The following PPP1R16B variants were observed in gnomAD, a reference collection of about 807,000 sequenced individuals.
PPP1R16B encodes protein phosphatase 1 regulatory subunit 16B, also known as protein phosphatase 1 regulatory inhibitor subunit 16B.
A neutral mutation model predicts 61.7 loss-of-function variants in PPP1R16B; 14 were observed. That is an observed-to-expected ratio of 0.23 (90% CI 0.15 to 0.35). The LOEUF is 0.35. Among genes scored for constraint, PPP1R16B ranks in the 10% least tolerant of loss-of-function variants. The probability of loss-of-function intolerance (pLI) is 1.00; values close to 1 mark genes in which losing one functional copy is unlikely to be tolerated. For missense variants in PPP1R16B, 547 were observed against 752.5 expected (o/e 0.73, Z 3.19); for synonymous variants, 266 against 305.3 (o/e 0.87, Z 1.34).
chr20:38,863,455 A>G (rs939179589), intron 2 of PPP1R16B, among the ~76,000 whole-genome samples: 2 of 152,220 alleles, frequency 1.3e-5, no homozygotes, highest in African/African-American at 4.8e-5. Flanking sequence ...AAAACTTTCC[A>G]CGTTTCCGTG....
At chr20:38,906,689 T>C (rs964942420) in intron 7 of PPP1R16B, among the ~76,000 whole-genome samples, 1 of 152,226 alleles carries the variant, frequency 6.6e-6, no homozygotes, top group African/African-American at 2.4e-5. Flanking sequence ...TACAAAACTC[T>C]GATTGTCACT....
At chr20:38,897,310 G>C (rs918408026) in intron 4 of PPP1R16B, among the ~76,000 whole-genome samples, 1 of 152,198 alleles carries the variant, frequency 6.6e-6, no homozygotes, top group African/African-American at 2.4e-5. Context: ...CTGGGCGACG[G>C]AGTGAGACAC....
chr20:38,889,804 GAAA>G, intron 3 of PPP1R16B, 139 bp downstream of exon 3: 1 of 886,614 alleles, frequency 1.1e-6, no homozygotes, highest in Non-Finnish European at 1.8e-6. Flanking sequence ...TGGCCCATCT[GAAA>G]GGCTCTTGTC....
intron 1 of PPP1R16B, among the ~76,000 whole-genome samples, chr20:38,810,962 C>T (rs1039131272): frequency 6.6e-6 from 1 of 152,118 alleles, no homozygotes; most frequent in East Asian, 1.9e-4. Flanking sequence ...GCTTTGTGTA[C>T]CTTTGGGCGC....
At chr20:38,876,765 A>G (rs887221335) in intron 2 of PPP1R16B, among the ~76,000 whole-genome samples, 3 of 152,244 alleles carry the variant, frequency 2.0e-5, no homozygotes, top group African/African-American at 7.2e-5. Flanking sequence ...TTGAGCAGAA[A>G]TAGAGTTCTT....
At chr20:38,815,927 A>G (rs564158328) in intron 1 of PPP1R16B, among the ~76,000 whole-genome samples, 1 of 152,246 alleles carries the variant, frequency 6.6e-6, no homozygotes, top group South Asian at 2.1e-4. Context: ...TATGGTTCAC[A>G]TTGTGCTAGA....
chr20:38,871,553 G>A (rs1376062923), intron 2 of PPP1R16B, among the ~76,000 whole-genome samples: 1 of 146,020 alleles, frequency 6.8e-6, no homozygotes, highest in Non-Finnish European at 1.5e-5. Flanking sequence ...AAGGAGGAGT[G>A]TAGGGAGGTA....
At chr20:38,822,179 T>C (rs1258351240) in intron 1 of PPP1R16B, among the ~76,000 whole-genome samples, 1 of 152,026 alleles carries the variant, frequency 6.6e-6, no homozygotes, top group East Asian at 1.9e-4. Flanking sequence ...ACTTGAAGTC[T>C]GCCTTGTATG....
chr20:38,881,845 C>G, intron 2 of PPP1R16B, among the ~76,000 whole-genome samples: 1 of 152,128 alleles, frequency 6.6e-6, no homozygotes, highest in East Asian at 1.9e-4. Context: ...TTCTTCTCTC[C>G]GCTGTATATG....
intron 2 of PPP1R16B, among the ~76,000 whole-genome samples, chr20:38,843,869 G>A (rs1038806279): frequency 1.3e-5 from 2 of 151,980 alleles, no homozygotes. Flanking sequence ...ATCTGCTTCT[G>A]CCTTCAATCT....
chr20:38,888,927 A>ACACACC (rs1484852590), intron 2 of PPP1R16B, among the ~76,000 whole-genome samples: 10 of 129,964 alleles, frequency 7.7e-5, no homozygotes, highest in South Asian at 2.5e-4. Flanking sequence ...ACACACACAC[A>ACACACC]CCCCTAGACA....
At chr20:38,836,212 C>T (rs1193425918) in intron 2 of PPP1R16B, 37 bp downstream of exon 2, 7 of 1,583,830 alleles carry the variant, frequency 4.4e-6, no homozygotes, top group Non-Finnish European at 3.4e-6. Context: ...ACGCAGCTGC[C>T]TTGGCCTCTG....
At chr20:38,871,668 G>A (rs1350293445) in intron 2 of PPP1R16B, among the ~76,000 whole-genome samples, 43 of 138,006 alleles carry the variant, frequency 3.1e-4, no homozygotes, top group African/African-American at 1.1e-3. Flanking sequence ...GAGGGAGGGA[G>A]GGAAGGAAGG....
At chr20:38,855,978 A>AGGAGGAGGAGGAGGAGGAGGAGGAGGAG (rs1555804346) in intron 2 of PPP1R16B, among the ~76,000 whole-genome samples, 1 of 29,752 alleles carries the variant, frequency 3.4e-5, no homozygotes, top group African/African-American at 2.3e-4. Flanking sequence ...AGAGAGAGAG[A>AGGAGGAGGAGGAGGAGGAGGAGGAGGAG]GAGAAGGAGG....
chr20:38,884,986 G>A (rs556439890), intron 2 of PPP1R16B, among the ~76,000 whole-genome samples: 2 of 136,990 alleles, frequency 1.5e-5, no homozygotes, highest in East Asian at 2.1e-4. Flanking sequence ...CAGAAGAGCC[G>A]AGATCGCACC....
chr20:38,905,823 T>G, intron 6 of PPP1R16B, 146 bp from the exon 7 acceptor site: 1 of 791,102 alleles, frequency 1.3e-6, no homozygotes. Flanking sequence ...AATAATCCTC[T>G]GCAATGTGAC....
rs2084655774 is a variant in PPP1R16B at position 38,805,755 on chromosome 20, G to A, written c.-139G>A. ...GCTCGGGGACCCACAGACACAGCCG[G>A]GGTCGGGAGCCGCCCGGGGCAGGGC... On this transcript the variant is annotated 5_prime_UTR_variant, in exon 1 of 11. Coordinates refer to ENST00000299824, the MANE Select transcript of PPP1R16B (RefSeq NM_015568.4). The A allele has an allele frequency of 6.6e-6, 1 of 152,264 alleles. No homozygotes were observed. The highest frequency in any genetic ancestry group is 2.4e-5 in the African/African-American group (1 of 41,464). 9.4% of individuals were successfully genotyped at this position (152,264 alleles called of 1,614,324 possible).
At chr20:38,821,911 C>G (rs1157443349) in intron 1 of PPP1R16B, among the ~76,000 whole-genome samples, 1 of 150,258 alleles carries the variant, frequency 6.7e-6, no homozygotes, top group Non-Finnish European at 1.5e-5. Context: ...TTTAATTTGC[C>G]TAGTAATTTT....
chr20:38,814,348 G>C (rs564789140), intron 1 of PPP1R16B, among the ~76,000 whole-genome samples: 16 of 152,126 alleles, frequency 1.1e-4, no homozygotes, highest in Non-Finnish European at 2.1e-4. Context: ...CCTTCAGAGG[G>C]GGGAAGGCTA....
Sources: gnomAD v4.1 joint callset for allele counts (sites outside exome capture counted in the v4.1 genomes callset) on GRCh38, gnomAD v4.1.1 for gene constraint, MANE v1.5 for transcripts, NCBI Gene and HGNC (gene_info 2026-07-23, HGNC 2026-07-21) for gene names.